Variants in KCNB2 observed in about 807,000 individuals in gnomAD.
The protein encoded by KCNB2 is potassium voltage-gated channel subfamily B member 2, also known as delayed rectifier potassium channel protein.
Under a neutral mutation model 61.5 loss-of-function variants are expected in KCNB2, and 15 were observed. The observed-to-expected ratio is 0.24, with a 90% CI of 0.16 to 0.38. KCNB2 has a LOEUF of 0.38. Among genes scored for constraint, KCNB2 ranks in the 10% least tolerant of loss-of-function variants. KCNB2 has a pLI of 1.00. For missense variants in KCNB2, 828 were observed against 1,125.2 expected, an observed-to-expected ratio of 0.74 and a Z score of 3.78; for synonymous variants, 457 against 446.0, an observed-to-expected ratio of 1.02 and a Z score of -0.31.
chr8:72,669,254 G>A (rs1806525075), intron 2 of KCNB2, among the ~76,000 whole-genome samples: 1 of 152,174 alleles, frequency 6.6e-6, no homozygotes, highest in African/African-American at 2.4e-5. Context: ...CATTTGCTTT[G>A]TGAATTGCAT....
chr8:72,780,208 G>A (rs1280143228), intron 2 of KCNB2, among the ~76,000 whole-genome samples: 3 of 151,966 alleles, frequency 2.0e-5, no homozygotes, highest in Non-Finnish European at 4.4e-5. Context: ...CTCTGTGCTT[G>A]GAAACAACTG....
intron 2 of KCNB2, among the ~76,000 whole-genome samples, chr8:72,636,271 TA>T (rs1433429092): frequency 6.6e-6 from 1 of 152,180 alleles, no homozygotes; most frequent in Admixed American, 6.6e-5. Context: ...AGTCCAGCAA[TA>T]AATCGTCGCT....
intron 2 of KCNB2, among the ~76,000 whole-genome samples, chr8:72,730,933 CA>C (rs530500173): frequency 2.0e-3 from 303 of 152,256 alleles, no homozygotes; most frequent in African/African-American, 7.1e-3. Context: ...TTCTCCTCTA[CA>C]AAAGCAGTGG....
intron 2 of KCNB2, among the ~76,000 whole-genome samples, chr8:72,743,387 A>T (rs1585866449): frequency 6.6e-6 from 1 of 152,280 alleles, no homozygotes; most frequent in Middle Eastern, 3.4e-3. Context: ...TGTGACCTGT[A>T]CCTTCCCTAG....
intron 2 of KCNB2, among the ~76,000 whole-genome samples, chr8:72,814,039 A>T (rs1809349313): frequency 1.3e-5 from 2 of 151,850 alleles, no homozygotes; most frequent in Non-Finnish European, 2.9e-5. Flanking sequence ...CCTGTGTGTG[A>T]TGTTCCCCAC....
intron 2 of KCNB2, among the ~76,000 whole-genome samples, chr8:72,765,361 G>A (rs1808444703): frequency 6.6e-6 from 1 of 152,092 alleles, no homozygotes; most frequent in African/African-American, 2.4e-5. Context: ...TATCTTTTCT[G>A]GCAAACCTTA....
chr8:72,721,594 G>C (rs140054250), intron 2 of KCNB2, among the ~76,000 whole-genome samples: 155 of 152,318 alleles, frequency 1.0e-3, no homozygotes, highest in African/African-American at 3.5e-3. Context: ...GGTCAGTATA[G>C]AGCCATTCAT....
chr8:72,932,279 G>A (rs931584107), intron 2 of KCNB2, among the ~76,000 whole-genome samples: 6 of 152,162 alleles, frequency 3.9e-5, no homozygotes, highest in African/African-American at 1.4e-4. Flanking sequence ...TAAGCTATAT[G>A]TCTACGTGTA....
chr8:72,563,623 C>T (rs1297376625), intron 1 of KCNB2, among the ~76,000 whole-genome samples: 1 of 151,922 alleles, frequency 6.6e-6, no homozygotes, highest in Non-Finnish European at 1.5e-5. Flanking sequence ...TAGCATGTGG[C>T]GTTAACAGAC....
intron 2 of KCNB2, among the ~76,000 whole-genome samples, chr8:72,716,357 A>C (rs1321641297): frequency 6.6e-6 from 1 of 152,040 alleles, no homozygotes; most frequent in Non-Finnish European, 1.5e-5. Context: ...GAGACACGAC[A>C]AAAAAAGAGA....
At position 72,669,716 on chromosome 8, in the gene KCNB2, T is replaced by G. The variant is rs79366381; in HGVS notation, c.579+101403T>G. On this transcript the variant is annotated intron_variant, in intron 2 of 2. Transcript: ENST00000523207. ...TGTAAAAACCTTCTGTGAGTGCACATTTTCTATTTCAGTACAAAACCCTGG... is the reference window on the plus strand; with the variant it reads ...TGTAAAAACCTTCTGTGAGTGCACAGTTTCTATTTCAGTACAAAACCCTGG... Among the ~76,000 whole-genome samples the G allele has an allele frequency of 8.2e-3, 1,256 of 152,316 alleles. 15 individuals are homozygous for G. Among genetic ancestry groups the G allele is most frequent in the African/African-American group, 0.029 (1,203 of 41,572 alleles).
intron 2 of KCNB2, among the ~76,000 whole-genome samples, chr8:72,885,177 T>A (rs1019127116): frequency 2.6e-5 from 4 of 152,098 alleles, no homozygotes; most frequent in African/African-American, 9.6e-5. Flanking sequence ...TATGCTTGCA[T>A]TCTTAACTAA....
At chr8:72,606,254 T>A (rs1208478945) in intron 2 of KCNB2, among the ~76,000 whole-genome samples, 1 of 152,160 alleles carries the variant, frequency 6.6e-6, no homozygotes, top group Non-Finnish European at 1.5e-5. Context: ...AGGGAAAAAC[T>A]AGAAGCAATT....
chr8:72,920,453 C>CTATATATATA lies in KCNB2; in HGVS notation c.580-15479_580-15478insATATATATAT. Among the ~76,000 whole-genome samples the CTATATATATA allele has an allele frequency of 3.4e-3, 147 of 43,104 alleles. 11 individuals are homozygous for CTATATATATA. The highest frequency in any genetic ancestry group is 5.7e-3 in the Admixed American group (26 of 4,524). 28.3% of individuals were successfully genotyped at this position (43,104 alleles called of 152,430 possible). ...CCCCCTCTCCACTATATCTATCTATCTATCTATCTATCTATCTATCTATAT... is the reference window on the plus strand; with the variant it reads ...CCCCCTCTCCACTATATCTATCTATCTATATATATATATCTATCTATCTATCTATCTATAT... On this transcript the variant is annotated intron_variant, in intron 2 of 2. Transcript: ENST00000523207.
chr8:72,593,689 G>A (rs1472719843), intron 2 of KCNB2, among the ~76,000 whole-genome samples: 1 of 152,216 alleles, frequency 6.6e-6, no homozygotes, highest in Non-Finnish European at 1.5e-5. Context: ...TTCAGGGGCT[G>A]AGTGAATTTC....
At chr8:72,627,544 T>C (rs1382224588) in intron 2 of KCNB2, among the ~76,000 whole-genome samples, 1 of 152,146 alleles carries the variant, frequency 6.6e-6, no homozygotes, top group East Asian at 1.9e-4. Context: ...ATAATGAAAA[T>C]GTCTTGTTTT....
chr8:72,721,226 A>G (rs917885964), intron 2 of KCNB2, among the ~76,000 whole-genome samples: 9 of 152,324 alleles, frequency 5.9e-5, no homozygotes, highest in East Asian at 1.9e-4. Context: ...TGCTATTGCT[A>G]TGACACACGT....
At chr8:72,596,800 T>C (rs140317845) in intron 2 of KCNB2, among the ~76,000 whole-genome samples, 120 of 152,272 alleles carry the variant, frequency 7.9e-4, no homozygotes, top group African/African-American at 2.8e-3. Flanking sequence ...ATTGTTGCCA[T>C]GAACTTTGGC....
chr8:72,861,053 C>G (rs568298633), intron 2 of KCNB2, among the ~76,000 whole-genome samples: 1 of 152,258 alleles, frequency 6.6e-6, no homozygotes, highest in Non-Finnish European at 1.5e-5. Context: ...AGAATCCACA[C>G]CTTAAGCCTC....
Sources: allele counts gnomAD v4.1 joint callset (sites outside exome capture counted in the v4.1 genomes callset), GRCh38; gene constraint gnomAD v4.1.1; transcripts MANE v1.5; gene names NCBI Gene and HGNC (gene_info 2026-07-23, HGNC 2026-07-21).